The following INO80D variants were observed in gnomAD, a reference collection of about 807,000 sequenced individuals.
The protein encoded by INO80D is INO80 complex subunit D.
Under a neutral mutation model 87.6 loss-of-function variants are expected in INO80D, and 21 were observed. That is an observed-to-expected ratio of 0.24 (90% CI 0.17 to 0.35). The LOEUF (loss-of-function observed/expected upper bound fraction) is 0.35. Ranked by LOEUF, INO80D falls within the 10% of genes least tolerant of loss-of-function variation. INO80D has a pLI of 1.00. For missense variants in INO80D, 982 were observed against 1,280.7 expected (o/e 0.77, Z 3.56); for synonymous variants, 440 against 491.0 (o/e 0.90, Z 1.37).
intron 10 of INO80D, among the ~76,000 whole-genome samples, chr2:206,006,834 G>T (rs1688039693): frequency 6.6e-6 from 1 of 151,880 alleles, no homozygotes. Flanking sequence ...ATCACTTGGG[G>T]CCAGGAGTTC....
chr2:206,004,326 A>C lies in INO80D; in HGVS notation c.*42T>G. The C allele has an allele frequency of 6.6e-7, 1 of 1,517,786 alleles. No homozygotes were observed. Among genetic ancestry groups the C allele is most frequent in the Non-Finnish European group, 9.0e-7 (1 of 1,116,788 alleles). The allele number at this position is 1,517,786 out of a possible 1,614,324, so 94.0% of individuals were successfully genotyped here. Reference sequence around the variant, plus strand: ...GTGCTAAAGAGGAAACAAAGATAGAAAACACTGGGTTCCCCACCTGCCTGC... The same window carrying C: ...GTGCTAAAGAGGAAACAAAGATAGACAACACTGGGTTCCCCACCTGCCTGC... On this transcript the variant is annotated 3_prime_UTR_variant, in exon 11 of 11. Coordinates refer to ENST00000403263, the MANE Select transcript of INO80D (RefSeq NM_017759.5). The surrounding 1 kb of genome is among the most constrained non-coding windows in gnomAD (Gnocchi z 4.9).
Position 206,007,458 on chromosome 2 carries a change from T to C in INO80D, c.1761-17A>G, listed in dbSNP as rs1258751597. 5 of 1,593,534 alleles carry C rather than the reference T, an allele frequency of 3.1e-6. No individual in the cohort carries two copies. The highest frequency in any genetic ancestry group is 4.3e-6 in the Non-Finnish European group (5 of 1,171,474). ...GATGGGCTCCTGGGAAAGAGGACAC[T>C]GTTGGTCCCATAACTCCCCCATTAT... On this transcript the variant is annotated splice_polypyrimidine_tract_variant and intron_variant, in intron 9 of 10. Coordinates refer to ENST00000403263, the MANE Select transcript of INO80D (RefSeq NM_017759.5).
rs1688052699 is a variant in INO80D at position 206,007,303 on chromosome 2, T to C, written c.1899A>G (p.Gln633=). ...DVLPRLPDDL[Q]DFDFFEGKNG... ...CTATACCTTCAAAAAAATCAAAATC[T>C]TGTAAGTCATCAGGTAGCCGTGGCA... The change falls in exon 10 of 11, where the codon CAA becomes CAG. Residue 633 remains glutamine (Q), a synonymous_variant. Transcript: ENST00000403263. 1 of 1,612,966 alleles carries C rather than the reference T, an allele frequency of 6.2e-7. No homozygotes were observed. The highest frequency in any genetic ancestry group is 8.5e-7 in the Non-Finnish European group (1 of 1,179,632).
intron 6 of INO80D, 93 bp downstream of exon 6, chr2:206,028,018 G>T (rs1688663084): frequency 1.2e-6 from 1 of 824,302 alleles, no homozygotes; most frequent in Non-Finnish European, 1.8e-6. Context: ...AGGACTTAGT[G>T]GTCATCTCCC....
At position 205,999,888 on chromosome 2, in the gene INO80D, T is replaced by A. The variant is rs1687874684; in HGVS notation, c.*4480A>T. ...AAGACATTATTAAACTGTTTTAACT[T>A]TTCTACAGAATGCCAGTGAAGATTC... On this transcript the variant is annotated 3_prime_UTR_variant, in exon 11 of 11. Coordinates refer to ENST00000403263, the MANE Select transcript of INO80D (RefSeq NM_017759.5). 1 of 152,294 alleles carries A rather than the reference T, an allele frequency of 6.6e-6. No individual in the cohort carries two copies. Among genetic ancestry groups the A allele is most frequent in the Admixed American group, 6.5e-5 (1 of 15,296 alleles). 9.4% of individuals were successfully genotyped at this position (152,294 alleles called of 1,614,324 possible). A position where few individuals can be genotyped will look rare whatever the true frequency, so the allele number is the denominator to read the frequency against.
rs1687907756 is a variant in INO80D, at chr2:206,001,515, T to C, written c.*2853A>G. ...TTTTCATTCCAGTATTGCCTTGTGATAGCATAAGTGCTATTTTAAAAGATA... is the reference window on the plus strand; with the variant it reads ...TTTTCATTCCAGTATTGCCTTGTGACAGCATAAGTGCTATTTTAAAAGATA... On this transcript the variant is annotated 3_prime_UTR_variant, in exon 11 of 11. Coordinates refer to ENST00000403263, the MANE Select transcript of INO80D (RefSeq NM_017759.5). The C allele has an allele frequency of 6.6e-6, 1 of 152,230 alleles. No homozygotes were observed. Among genetic ancestry groups the C allele is most frequent in the African/African-American group, 2.4e-5 (1 of 41,460 alleles). The allele number at this position is 152,230 out of a possible 1,614,324, so 9.4% of individuals were successfully genotyped here. A position where few individuals can be genotyped will look rare whatever the true frequency, so the allele number is the denominator to read the frequency against.
intron 5 of INO80D, among the ~76,000 whole-genome samples, chr2:206,043,800 T>C (rs530598601): frequency 2.0e-4 from 31 of 152,336 alleles, no homozygotes; most frequent in Non-Finnish European, 3.8e-4. Context: ...TAGGGCCAAT[T>C]TTCTACAGCT....
Position 206,002,073 on chromosome 2 carries a change from C to T in INO80D, c.*2295G>A, listed in dbSNP as rs1290874624. On this transcript the variant is annotated 3_prime_UTR_variant, in exon 11 of 11. Coordinates refer to ENST00000403263, the MANE Select transcript of INO80D (RefSeq NM_017759.5). ...GTTCAAATCGACTACCCACGACTTTCCCTTCCTTGTCAAAGGGCTGATGAG... is the reference window on the plus strand; with the variant it reads ...GTTCAAATCGACTACCCACGACTTTTCCTTCCTTGTCAAAGGGCTGATGAG... 2 of 152,182 alleles carry T rather than the reference C, an allele frequency of 1.3e-5. No individual in the cohort carries two copies. The highest frequency in any genetic ancestry group is 2.4e-5 in the African/African-American group (1 of 41,444). 9.4% of individuals were successfully genotyped at this position (152,182 alleles called of 1,614,324 possible).
At position 206,009,877 on chromosome 2, in the gene INO80D, A is replaced by T. The variant is rs889085788; in HGVS notation, c.1543-83T>A. On this transcript the variant is annotated intron_variant, in intron 8 of 10. Coordinates refer to ENST00000403263, the MANE Select transcript of INO80D (RefSeq NM_017759.5). ...TACCTAAAAAATACTTACATCCCTT[A>T]ATATTCTATATAATGCCTAAAACAT... The T allele has an allele frequency of 4.5e-6, 5 of 1,102,666 alleles. No homozygotes were observed. In the African/African-American group the frequency reaches 4.8e-5, roughly 11 times the overall value. The allele number at this position is 1,102,666 out of a possible 1,614,324, so 68.3% of individuals were successfully genotyped here. A position where few individuals can be genotyped will look rare whatever the true frequency, so the allele number is the denominator to read the frequency against.
chr2:206,018,886 G>C (rs995940344), intron 7 of INO80D, among the ~76,000 whole-genome samples: 1 of 152,212 alleles, frequency 6.6e-6, no homozygotes, highest in Non-Finnish European at 1.5e-5. Flanking sequence ...CGGGGTGACA[G>C]AGTGAGATCC....
chr2:206,005,448 C>G lies in INO80D; in HGVS notation c.2004G>C (p.Leu668=). The G allele has an allele frequency of 6.2e-7, 1 of 1,613,970 alleles. No homozygotes were observed. Among genetic ancestry groups the G allele is most frequent in the Non-Finnish European group, 8.5e-7 (1 of 1,179,890 alleles). Residue 668 remains leucine (L), a synonymous_variant, in exon 11 of 11, where the codon CTG becomes CTC. Coordinates refer to ENST00000403263, the MANE Select transcript of INO80D (RefSeq NM_017759.5). The part of the protein sequence containing the change: ...ALQAVTSLEC[L]STIGVLAQSD... ...ACTGGGCAAGGACCCCAATGGTACTCAGGCACTCGAGAGAAGTTACAGCCT... is the reference window on the plus strand; with the variant it reads ...ACTGGGCAAGGACCCCAATGGTACTGAGGCACTCGAGAGAAGTTACAGCCT...
intron 4 of INO80D, among the ~76,000 whole-genome samples, chr2:206,050,887 T>C (rs1689343710): frequency 6.6e-6 from 1 of 151,958 alleles, no homozygotes; most frequent in Admixed American, 6.6e-5. Flanking sequence ...GAGAATGGCG[T>C]GAACCCGGGA....
chr2:206,045,120 C>G (rs530561864), intron 5 of INO80D, among the ~76,000 whole-genome samples: 1 of 152,280 alleles, frequency 6.6e-6, no homozygotes, highest in African/African-American at 2.4e-5. Flanking sequence ...TAATTTAAGA[C>G]AGTGACCACT....
chr2:206,004,716 A>AC lies in INO80D; in HGVS notation c.2735_2736insG (p.His912GlnfsTer50). The AC allele has an allele frequency of 6.2e-7, 1 of 1,613,856 alleles. No individual in the cohort carries two copies. The highest frequency in any genetic ancestry group is 8.5e-7 in the Non-Finnish European group (1 of 1,179,854). ...GCGTGGATAGGGAAGTGGAAAGAAG[A>AC]TGTCCATCTGCGCCGAGAAGGTTGC... On this transcript the variant is annotated frameshift_variant, in exon 11 of 11. Coordinates refer to ENST00000403263, the MANE Select transcript of INO80D (RefSeq NM_017759.5). LOFTEE classifies it high-confidence loss of function. This position sits in a 1 kb window ranked among gnomAD's most constrained non-coding sequence, Gnocchi z 4.9.
At chr2:206,044,481 TAA>T (rs55925923) in intron 5 of INO80D, among the ~76,000 whole-genome samples, 27 of 112,516 alleles carry the variant, frequency 2.4e-4, no homozygotes, top group African/African-American at 5.0e-4. Flanking sequence ...AAATACCTGT[TAA>T]AAAAAAAAAA....
chr2:206,076,219 T>C (rs1158092096), intron 1 of INO80D, among the ~76,000 whole-genome samples: 1 of 152,106 alleles, frequency 6.6e-6, no homozygotes, highest in Admixed American at 6.6e-5. Context: ...AAAACTAACA[T>C]GAGCCTACTA....
chr2:206,066,804 CA>C (rs374391311), intron 1 of INO80D, among the ~76,000 whole-genome samples: 1,461 of 97,924 alleles, frequency 0.015, 8 homozygotes, highest in African/African-American at 0.056. Flanking sequence ...GACTCCATCA[CA>C]AAAAAAAAAA....
At position 206,041,532 on chromosome 2, in the gene INO80D, T is replaced by C. The variant is rs552016607; in HGVS notation, c.1073+4972A>G. Among the ~76,000 whole-genome samples the C allele has an allele frequency of 2.6e-5, 4 of 152,232 alleles. No homozygotes were observed. The East Asian group carries it at 7.7e-4, about 29-fold the overall frequency. On this transcript the variant is annotated intron_variant, in intron 5 of 10. Coordinates refer to ENST00000403263, the MANE Select transcript of INO80D (RefSeq NM_017759.5). ...CAATCTTAAACAATTATGCATCTAA[T>C]AACAGAAATACAAAGTGTGGGAAAT...
chr2:206,014,464 G>A (rs551903595), intron 8 of INO80D, among the ~76,000 whole-genome samples: 18 of 152,188 alleles, frequency 1.2e-4, no homozygotes, highest in African/African-American at 3.9e-4. Context: ...TGTTGTTCTC[G>A]TAATAGTGAA....
Sources: allele counts gnomAD v4.1 joint callset (sites outside exome capture counted in the v4.1 genomes callset), GRCh38; gene constraint gnomAD v4.1.1; non-coding constraint Gnocchi (gnomAD v3.1); transcripts MANE v1.5; gene names NCBI Gene and HGNC (gene_info 2026-07-23, HGNC 2026-07-21).